The following MNAT1 variants were observed in gnomAD, a reference collection of about 807,000 sequenced individuals.
MNAT1 encodes CDK-activating kinase assembly factor MAT1.
In MNAT1, 43 loss-of-function variants were observed where a neutral mutation model predicts 42.0. That is an observed-to-expected ratio of 1.02 (90% CI 0.80 to 1.32). The LOEUF (loss-of-function observed/expected upper bound fraction) is 1.32. Among genes scored for constraint, MNAT1 ranks in the 40% most tolerant of loss-of-function variants. The pLI is 0.00. For synonymous variants in MNAT1, 118 were observed against 120.0 expected, an observed-to-expected ratio of 0.98 and a Z score of 0.11; for missense variants, 306 against 350.4, an observed-to-expected ratio of 0.87 and a Z score of 1.01.
chr14:60,782,993 G>A (rs532066602), intron 1 of MNAT1, among the ~76,000 whole-genome samples: 6 of 152,108 alleles, frequency 3.9e-5, no homozygotes, highest in Non-Finnish European at 7.4e-5. Context: ...TTTATAGTAT[G>A]GCTTTATATT....
At chr14:60,826,320 T>C (rs1486369418) in intron 6 of MNAT1, among the ~76,000 whole-genome samples, 4 of 143,746 alleles carry the variant, frequency 2.8e-5, no homozygotes, top group Non-Finnish European at 6.0e-5. Flanking sequence ...TTTTTTTTTT[T>C]TTTTTTTTTT....
intron 6 of MNAT1, among the ~76,000 whole-genome samples, chr14:60,864,853 T>G (rs189999371): frequency 6.6e-6 from 1 of 152,084 alleles, no homozygotes; most frequent in African/African-American, 2.4e-5. Context: ...ATTCATAGTG[T>G]TTGTTGTTTC....
At chr14:60,955,888 A>T (rs2036479657) in intron 7 of MNAT1, among the ~76,000 whole-genome samples, 1 of 150,902 alleles carries the variant, frequency 6.6e-6, no homozygotes, top group Non-Finnish European at 1.5e-5. Flanking sequence ...TATGTATTTG[A>T]GTCTTCTTTC....
intron 6 of MNAT1, among the ~76,000 whole-genome samples, chr14:60,848,237 C>T (rs1048320709): frequency 6.6e-6 from 1 of 152,162 alleles, no homozygotes; most frequent in Non-Finnish European, 1.5e-5. Flanking sequence ...CCACTACCTT[C>T]TGACTTCTAT....
In MNAT1 at chr14:60,824,342, C is replaced by CAT. The variant is rs1407784591; in HGVS notation, c.687+5495_687+5496insAT. ...GCCTACCTTGTTTGTCATATGTGTACTAGCTATTAGGTTATAAACATCTTG... is the reference window on the plus strand; with the variant it reads ...GCCTACCTTGTTTGTCATATGTGTACATTAGCTATTAGGTTATAAACATCTTG... On this transcript the variant is annotated intron_variant, in intron 6 of 7. Transcript: ENST00000261245. Among the ~76,000 whole-genome samples the CAT allele has an allele frequency of 2.0e-4, 30 of 152,222 alleles. No individual in the cohort carries two copies. In the East Asian group the frequency reaches 5.6e-3, roughly 28 times the overall value.
intron 6 of MNAT1, among the ~76,000 whole-genome samples, chr14:60,842,374 G>A (rs572995776): frequency 6.6e-6 from 1 of 152,194 alleles, no homozygotes; most frequent in African/African-American, 2.4e-5. Context: ...TCGTCTCCTT[G>A]ATTCCTAGGC....
At chr14:60,736,369 A>C (rs932001326) in intron 1 of MNAT1, among the ~76,000 whole-genome samples, 7 of 152,110 alleles carry the variant, frequency 4.6e-5, no homozygotes, top group Non-Finnish European at 1.0e-4. Context: ...CTGGCCTAGC[A>C]GCACTTAGCC....
intron 7 of MNAT1, among the ~76,000 whole-genome samples, chr14:60,965,109 A>T (rs2036658941): frequency 6.6e-6 from 1 of 152,192 alleles, no homozygotes; most frequent in Non-Finnish European, 1.5e-5. Flanking sequence ...TCAACGACTC[A>T]TACTCACAGA....
At chr14:60,771,315 A>G (rs1257029073) in intron 1 of MNAT1, among the ~76,000 whole-genome samples, 1 of 151,358 alleles carries the variant, frequency 6.6e-6, no homozygotes, top group Non-Finnish European at 1.5e-5. Flanking sequence ...TCCCCTTTTC[A>G]TGCTTTTTGG....
chr14:60,744,038 A>T (rs1896546143), intron 1 of MNAT1, among the ~76,000 whole-genome samples: 1 of 152,150 alleles, frequency 6.6e-6, no homozygotes, highest in Admixed American at 6.5e-5. Flanking sequence ...TTTTTTGAAC[A>T]TATTTTCCAT....
At chr14:60,744,888 G>C (rs1052644695) in intron 1 of MNAT1, among the ~76,000 whole-genome samples, 9 of 152,062 alleles carry the variant, frequency 5.9e-5, no homozygotes, top group Non-Finnish European at 1.3e-4. Context: ...CTGGCTGGTG[G>C]GAACTCTAGG....
Position 60,947,554 on chromosome 14 carries a change from G to A in MNAT1, c.810-20675G>A, listed in dbSNP as rs1042846429. Among the ~76,000 whole-genome samples the A allele has an allele frequency of 5.9e-5, 9 of 152,184 alleles. No homozygotes were observed. In the South Asian group the frequency reaches 6.2e-4, roughly 11 times the overall value. ...AAAAATTAGCCAGGCATGGTGATGC[G>A]TGCCTATAATCCTGGCTACTCTGGA... On this transcript the variant is annotated intron_variant, in intron 7 of 7. Transcript: ENST00000261245.
chr14:60,865,151 C>G (rs1295883783), intron 6 of MNAT1, among the ~76,000 whole-genome samples: 1 of 152,016 alleles, frequency 6.6e-6, no homozygotes. Flanking sequence ...ATTATTCAGT[C>G]TCTATAATGG....
At chr14:60,937,710 C>G (rs977282411) in intron 7 of MNAT1, among the ~76,000 whole-genome samples, 2 of 151,992 alleles carry the variant, frequency 1.3e-5, no homozygotes, top group African/African-American at 4.8e-5. Context: ...CTTGGCGATG[C>G]GGGCTCTTTT....
At chr14:60,795,496 A>G (rs2031985001) in intron 1 of MNAT1, among the ~76,000 whole-genome samples, 1 of 152,174 alleles carries the variant, frequency 6.6e-6, no homozygotes, top group Non-Finnish European at 1.5e-5. Flanking sequence ...ATGTTGCACT[A>G]CCAGAAAAGG....
At chr14:60,756,290 T>C (rs888174101) in intron 1 of MNAT1, among the ~76,000 whole-genome samples, 1 of 152,196 alleles carries the variant, frequency 6.6e-6, no homozygotes, top group African/African-American at 2.4e-5. Context: ...GACAGAGTTA[T>C]ATTGAAAAAA....
intron 1 of MNAT1, among the ~76,000 whole-genome samples, chr14:60,749,072 A>G (rs916000069): frequency 1.1e-4 from 17 of 152,286 alleles, no homozygotes; most frequent in African/African-American, 3.4e-4. Context: ...AACAGACATC[A>G]TTGTATATGT....
chr14:60,956,501 C>T (rs775060269), intron 7 of MNAT1, among the ~76,000 whole-genome samples: 9 of 152,118 alleles, frequency 5.9e-5, no homozygotes, highest in Non-Finnish European at 7.4e-5. Flanking sequence ...TTTCTGTATA[C>T]GTCTGTTAGG....
In MNAT1 at chr14:60,901,765, TTAC is replaced by T. The variant is rs1320359263; in HGVS notation, c.809+21934_809+21936del. Among the ~76,000 whole-genome samples the T allele has an allele frequency of 2.0e-5, 3 of 152,276 alleles. No individual in the cohort carries two copies. The East Asian group carries it at 5.8e-4, about 29-fold the overall frequency. On this transcript the variant is annotated intron_variant, in intron 7 of 7. Coordinates refer to ENST00000261245, the MANE Select transcript of MNAT1 (RefSeq NM_002431.4). ...CGTGGAGACTGAAGATATGACTGAA[TTAC>T]TACAGTCTTATAATAAAACTTGAAC...
Sources: gnomAD v4.1 joint callset for allele counts (sites outside exome capture counted in the v4.1 genomes callset) on GRCh38, gnomAD v4.1.1 for gene constraint, MANE v1.5 for transcripts, NCBI Gene and HGNC (gene_info 2026-07-23, HGNC 2026-07-21) for gene names.